SAPCD2: variants seen among roughly 807,000 people sequenced by gnomAD.
SAPCD2 encodes suppressor APC domain-containing protein 2.
In SAPCD2, 34 loss-of-function variants were observed where a neutral mutation model predicts 37.8. The observed-to-expected ratio is 0.90, with a 90% CI of 0.68 to 1.20. The LOEUF is 1.20. SAPCD2 is among the 50% of genes most tolerant of loss of function. The pLI, the probability that SAPCD2 is intolerant of heterozygous loss-of-function variation, is 0.00. For missense variants in SAPCD2, 572 were observed against 584.7 expected (o/e 0.98, Z 0.22); for synonymous variants, 275 against 270.3 (o/e 1.02, Z -0.17).
At position 137,064,971 on chromosome 9, in the gene SAPCD2, G is replaced by C; in HGVS notation, c.948C>G (p.Pro316=). 1 of 1,527,292 alleles carries C rather than the reference G, an allele frequency of 6.5e-7. No homozygotes were observed. The highest frequency in any genetic ancestry group is 8.9e-7 in the Non-Finnish European group (1 of 1,128,412). 94.6% of individuals were successfully genotyped at this position (1,527,292 alleles called of 1,614,324 possible). A position where few individuals can be genotyped will look rare whatever the true frequency, so the allele number is the denominator to read the frequency against. The change falls in exon 5 of 6, where the codon CCC becomes CCG. Residue 316 remains proline (P), a synonymous_variant. Coordinates refer to ENST00000409687, the MANE Select transcript of SAPCD2 (RefSeq NM_178448.4). The stretch of plus-strand genomic sequence containing the variant: ...GGCAGGGGGGCCCGGAGGAGGACGG[G>C]GGCAGGGCCTGCGGGAGGGCAGGAT... ...LAAACASRAL[P]PSSSGPPCPA...
chr9:137,064,481 C>T lies in SAPCD2; in HGVS notation c.*178G>A. ...CGGAGTCAAGCGCTCGGTGCGGGGA[C>T]CAGCCGGGGGCAGGCCTGGGGAGCC... On this transcript the variant is annotated 3_prime_UTR_variant, in exon 6 of 6. Transcript: ENST00000409687. The T allele has an allele frequency of 1.4e-6, 1 of 701,866 alleles. No homozygotes were observed. Among genetic ancestry groups the T allele is most frequent in the African/African-American group, 1.8e-5 (1 of 55,642 alleles). The allele number at this position is 701,866 out of a possible 1,614,324, so 43.5% of individuals were successfully genotyped here.
In SAPCD2 at chr9:137,070,377, G is replaced by C; in HGVS notation, c.84C>G (p.Phe28Leu). The change falls in exon 1 of 6, where the codon TTC becomes TTG. Residue 28 changes from phenylalanine to leucine, a missense_variant. Transcript: ENST00000409687. The stretch of plus-strand genomic sequence containing the variant: ...CGAACAGGGTGCGCAGGCTCTGCAG[G>C]AAGGCGCGCGGCAGCCCCTCCGTGC... ...APSTEGLPRAFLQSLRTLFDI... is the reference protein window; with the variant it reads ...APSTEGLPRALLQSLRTLFDI... The C allele has an allele frequency of 5.7e-6, 8 of 1,411,006 alleles. No individual in the cohort carries two copies. The highest frequency in any genetic ancestry group is 7.4e-6 in the Non-Finnish European group (8 of 1,078,494). The allele number at this position is 1,411,006 out of a possible 1,614,324, so 87.4% of individuals were successfully genotyped here.
rs572907415 is a variant in SAPCD2 at position 137,064,850 on chromosome 9, G to A, written c.1056+13C>T. 2.9e-5 allele frequency: 46 copies of A among 1,569,026 alleles called. 2 individuals are homozygous for A. The South Asian group carries it at 3.0e-4, about 10-fold the overall frequency. On this transcript the variant is annotated intron_variant, in intron 5 of 5. Coordinates refer to ENST00000409687, the MANE Select transcript of SAPCD2 (RefSeq NM_178448.4). ...TCACCCCCACCCCTGCACCCCTCCCGCGCCTGCCCTACCTGGGTGAGGAGT... is the reference window on the plus strand; with the variant it reads ...TCACCCCCACCCCTGCACCCCTCCCACGCCTGCCCTACCTGGGTGAGGAGT...
At chr9:137,066,531 C>T (rs1386812988) in intron 1 of SAPCD2, among the ~76,000 whole-genome samples, 157 bp from the exon 2 acceptor site, 1 of 152,102 alleles carries the variant, frequency 6.6e-6, no homozygotes, top group Non-Finnish European at 1.5e-5. Context: ...GGAGTTTGGT[C>T]CCTCTCCCCT....
rs1395635142 is a variant in SAPCD2, at chr9:137,062,760, C to G, written c.*1899G>C. 1 of 152,248 alleles carries G rather than the reference C, an allele frequency of 6.6e-6. No individual in the cohort carries two copies. Among genetic ancestry groups the G allele is most frequent in the Non-Finnish European group, 1.5e-5 (1 of 68,078 alleles). The allele number at this position is 152,248 out of a possible 1,614,324, so 9.4% of individuals were successfully genotyped here. Reference sequence around the variant, plus strand: ...CCTTTAAATTCTCCCCTCGTGGTCTCCAGGGCCACTCACTAGCCTGATTTC... The same window carrying G: ...CCTTTAAATTCTCCCCTCGTGGTCTGCAGGGCCACTCACTAGCCTGATTTC... On this transcript the variant is annotated 3_prime_UTR_variant, in exon 6 of 6. Coordinates refer to ENST00000409687, the MANE Select transcript of SAPCD2 (RefSeq NM_178448.4).
chr9:137,065,253 A>G (rs1462078946), intron 3 of SAPCD2, 68 bp from the exon 4 acceptor site: 3 of 1,177,174 alleles, frequency 2.5e-6, no homozygotes, highest in Non-Finnish European at 3.5e-6. Flanking sequence ...GTGCCTTGAT[A>G]GGGGTTCCCA....
In SAPCD2 at chr9:137,064,607, T is replaced by A; in HGVS notation, c.*52A>T. On this transcript the variant is annotated 3_prime_UTR_variant, in exon 6 of 6. Transcript: ENST00000409687. ...GGTGGGTGCGATGGGGCGCCCACCC[T>A]CGAAGGGCTGAGTGCCAGGCTGGCC... The A allele has an allele frequency of 6.4e-7, 1 of 1,560,084 alleles. No homozygotes were observed.
At position 137,069,945 on chromosome 9, in the gene SAPCD2, C is replaced by G. The variant is rs959590876; in HGVS notation, c.516G>C (p.Ala172=). 1 of 1,267,388 alleles carries G rather than the reference C, an allele frequency of 7.9e-7. No individual in the cohort carries two copies. The highest frequency in any genetic ancestry group is 9.9e-7 in the Non-Finnish European group (1 of 1,007,378). The allele number at this position is 1,267,388 out of a possible 1,614,324, so 78.5% of individuals were successfully genotyped here. Reference sequence around the variant, plus strand: ...CCGCGCTCTGGGACCGCTCGGGCTCCGCGGGGCAGGGCGCCGCCTCAGCCG... The same window carrying G: ...CCGCGCTCTGGGACCGCTCGGGCTCGGCGGGGCAGGGCGCCGCCTCAGCCG... ...CAPAEAAPCP[A]EPERSQSAAL... is the part of the protein sequence containing the mutation. Residue 172 remains alanine, a synonymous_variant, in exon 1 of 6, where the codon GCG becomes GCC. Coordinates refer to ENST00000409687, the MANE Select transcript of SAPCD2 (RefSeq NM_178448.4).
At position 137,064,214 on chromosome 9, in the gene SAPCD2, C is replaced by T. The variant is rs372774409; in HGVS notation, c.*445G>A. On this transcript the variant is annotated 3_prime_UTR_variant, in exon 6 of 6. Coordinates refer to ENST00000409687, the MANE Select transcript of SAPCD2 (RefSeq NM_178448.4). The stretch of plus-strand genomic sequence containing the variant: ...ACCTCGTCCTGGTGCCCTGGTTGAG[C>T]GGGAAGCTGCCCTTGGACCCGCGTC... The T allele has an allele frequency of 5.1e-5, 11 of 216,318 alleles. No homozygotes were observed. The East Asian group carries it at 1.1e-3, about 21-fold the overall frequency. The allele number at this position is 216,318 out of a possible 1,614,324, so 13.4% of individuals were successfully genotyped here. A position where few individuals can be genotyped will look rare whatever the true frequency, so the allele number is the denominator to read the frequency against.
chr9:137,067,284 C>T (rs930953915), intron 1 of SAPCD2, among the ~76,000 whole-genome samples: 20 of 151,404 alleles, frequency 1.3e-4, no homozygotes, highest in Admixed American at 2.6e-4. Context: ...CCACTGTGCC[C>T]GGCCGGCAAT....
chr9:137,065,959 C>CCA (rs1832539841), intron 2 of SAPCD2, among the ~76,000 whole-genome samples: 1 of 152,194 alleles, frequency 6.6e-6, no homozygotes, highest in Non-Finnish European at 1.5e-5. Flanking sequence ...TTCAGCTGAG[C>CCA]CCACCCTCCC....
In SAPCD2 at chr9:137,070,497, C is replaced by A; in HGVS notation, c.-37G>T. The A allele has an allele frequency of 1.7e-6, 2 of 1,180,656 alleles. No individual in the cohort carries two copies. The highest frequency in any genetic ancestry group is 4.2e-5 in the South Asian group (1 of 23,880). The allele number at this position is 1,180,656 out of a possible 1,614,324, so 73.1% of individuals were successfully genotyped here. A position where few individuals can be genotyped will look rare whatever the true frequency, so the allele number is the denominator to read the frequency against. On this transcript the variant is annotated 5_prime_UTR_variant, in exon 1 of 6. Transcript: ENST00000409687. ...ATCGGTCCCCTCGTCCACCCGCGTG[C>A]GTCCCAGCGCGGCCCCACGGAGGGG...
chr9:137,069,851 G>GA, intron 1 of SAPCD2, 39 bp downstream of exon 1: 1 of 1,219,112 alleles, frequency 8.2e-7, no homozygotes, highest in East Asian at 3.2e-5. Context: ...CCGGGCCCGG[G>GA]AGAGCTACGA....
chr9:137,065,085 G>A lies in SAPCD2; in HGVS notation c.932C>T (p.Ala311Val). The change falls in exon 4 of 6, where the codon GCC becomes GTC. Residue 311 changes from alanine to valine, a missense_variant. Coordinates refer to ENST00000409687, the MANE Select transcript of SAPCD2 (RefSeq NM_178448.4). ...CLGELLAAACASRALPPSSSG... is the reference protein window; with the variant it reads ...CLGELLAAACVSRALPPSSSG... The stretch of plus-strand genomic sequence containing the variant: ...GGTTTGGGGTACACTCACCCGGCTG[G>A]CACAGGCTGCAGCCAGCAGCTCCCC... 9 of 1,527,964 alleles carry A rather than the reference G, an allele frequency of 5.9e-6. No homozygotes were observed. The highest frequency in any genetic ancestry group is 7.0e-6 in the Non-Finnish European group (8 of 1,136,796). 94.7% of individuals were successfully genotyped at this position (1,527,964 alleles called of 1,614,324 possible).
rs568597388 is a variant in SAPCD2, at chr9:137,065,415, G to A, written c.831+107C>T. On this transcript the variant is annotated intron_variant, in intron 3 of 5. Transcript: ENST00000409687. ...ATGTCTCAGCATCCTGGGTGGAATC[G>A]ACAGCCACTGTGTCCGGGAATAGGG... is the stretch of plus-strand genomic sequence containing the variant. The A allele has an allele frequency of 8.1e-5, 108 of 1,341,062 alleles. 1 individual carries two copies. The South Asian group carries it at 1.5e-3, about 19-fold the overall frequency. 83.1% of individuals were successfully genotyped at this position (1,341,062 alleles called of 1,614,324 possible).
At chr9:137,065,873 C>T (rs763020894) in intron 2 of SAPCD2, among the ~76,000 whole-genome samples, 5 of 152,196 alleles carry the variant, frequency 3.3e-5, no homozygotes, top group African/African-American at 7.2e-5. Context: ...GCAGGAGCCC[C>T]GTTCCTCCTG....
In SAPCD2 at chr9:137,064,263, G is replaced by A. The variant is rs1832508004; in HGVS notation, c.*396C>T. The A allele has an allele frequency of 7.8e-6, 2 of 255,434 alleles. No homozygotes were observed. Among genetic ancestry groups the A allele is most frequent in the South Asian group, 3.9e-5 (1 of 25,556 alleles). The allele number at this position is 255,434 out of a possible 1,614,324, so 15.8% of individuals were successfully genotyped here. A position where few individuals can be genotyped will look rare whatever the true frequency, so the allele number is the denominator to read the frequency against. ...TCGGAGCCGCCCCGCGCCCTCTGCT[G>A]CCCGTTGTTGGAAGTGCAGCCTGGC... is the stretch of plus-strand genomic sequence containing the variant. On this transcript the variant is annotated 3_prime_UTR_variant, in exon 6 of 6. Transcript: ENST00000409687.
intron 5 of SAPCD2, 26 bp downstream of exon 5, chr9:137,064,837 C>G: frequency 1.3e-6 from 2 of 1,576,070 alleles, no homozygotes; most frequent in Non-Finnish European, 1.7e-6. Context: ...ACCCCCACCC[C>G]TGCACCCCTC....
intron 1 of SAPCD2, among the ~76,000 whole-genome samples, chr9:137,068,776 C>T (rs530751959): frequency 6.6e-5 from 10 of 152,346 alleles, no homozygotes; most frequent in African/African-American, 1.7e-4. Context: ...ACCCCAGGCC[C>T]GGCCACAGCG....
Sources: gnomAD v4.1 joint callset for allele counts (sites outside exome capture counted in the v4.1 genomes callset) on GRCh38, gnomAD v4.1.1 for gene constraint, MANE v1.5 for transcripts, NCBI Gene and HGNC (gene_info 2026-07-23, HGNC 2026-07-21) for gene names.